ZFR: variants seen among roughly 807,000 people sequenced by gnomAD.
ZFR encodes the protein zinc finger RNA-binding protein.
In ZFR, 19 loss-of-function variants were observed where a neutral mutation model predicts 130.7. The ratio of observed to expected loss-of-function variants is 0.15; its 90% confidence interval spans 0.10 to 0.21. The LOEUF is 0.21. ZFR is among the 10% of genes least tolerant of loss of function. The pLI is 1.00. For synonymous variants in ZFR, 466 were observed against 456.9 expected, an observed-to-expected ratio of 1.02 and a Z score of -0.25; for missense variants, 872 against 1,321.5, an observed-to-expected ratio of 0.66 and a Z score of 5.27.
At chr5:32,428,256 A>G (rs762304732) in intron 2 of ZFR, among the ~76,000 whole-genome samples, 8 of 152,176 alleles carry the variant, frequency 5.3e-5, no homozygotes, top group Non-Finnish European at 1.2e-4. Context: ...TCTACTAAAA[A>G]TACAAAAATT....
chr5:32,366,837 T>TA (rs1028417692), intron 17 of ZFR, among the ~76,000 whole-genome samples: 12 of 151,780 alleles, frequency 7.9e-5, no homozygotes, highest in Non-Finnish European at 1.2e-4. Flanking sequence ...ATTAAATGAT[T>TA]AAAAAAATCA....
Position 32,407,662 on chromosome 5 carries a change from GAAC to G in ZFR, c.785-644_785-642del, listed in dbSNP as rs766262595. Among the ~76,000 whole-genome samples, 39 of 152,132 alleles carry G rather than the reference GAAC, an allele frequency of 2.6e-4. No individual in the cohort carries two copies. In the East Asian group the frequency reaches 2.7e-3, roughly 11 times the overall value. On this transcript the variant is annotated intron_variant, in intron 5 of 19. Coordinates refer to ENST00000265069, the MANE Select transcript of ZFR (RefSeq NM_016107.5). ...GAACTGAAGTTCAGATGAAAATATAGAACAACTGTTAAAGATTTAGGAATTAGG... is the reference window on the plus strand; with the variant it reads ...GAACTGAAGTTCAGATGAAAATATAGAACTGTTAAAGATTTAGGAATTAGG...
intron 15 of ZFR, among the ~76,000 whole-genome samples, chr5:32,382,758 C>T (rs1752960466): frequency 6.6e-6 from 1 of 152,064 alleles, no homozygotes; most frequent in Non-Finnish European, 1.5e-5. Context: ...TATAGGCACT[C>T]ACCACCACGC....
At chr5:32,357,787 T>C (rs1346749706) in intron 19 of ZFR, among the ~76,000 whole-genome samples, 2 of 152,226 alleles carry the variant, frequency 1.3e-5, no homozygotes, top group African/African-American at 4.8e-5. Context: ...CTTGTATGTA[T>C]GTATAGCTTA....
At chr5:32,370,992 T>G (rs1752658356) in intron 17 of ZFR, among the ~76,000 whole-genome samples, 1 of 152,220 alleles carries the variant, frequency 6.6e-6, no homozygotes, top group East Asian at 1.9e-4. Flanking sequence ...TCAAATTTAT[T>G]TGATAACAGA....
intron 11 of ZFR, among the ~76,000 whole-genome samples, chr5:32,391,482 T>C (rs1248358189): frequency 2.6e-5 from 4 of 151,874 alleles, no homozygotes; most frequent in Non-Finnish European, 4.4e-5. Context: ...GGGCAGCTAG[T>C]GTACAGCCTC....
In ZFR at chr5:32,403,999, C is replaced by G; in HGVS notation, c.1131G>C (p.Gly377=). 1 of 1,614,118 alleles carries G rather than the reference C, an allele frequency of 6.2e-7. No individual in the cohort carries two copies. The highest frequency in any genetic ancestry group is 8.5e-7 in the Non-Finnish European group (1 of 1,179,984). The change falls in exon 7 of 20, where the codon GGG becomes GGC. Residue 377 remains glycine, a synonymous_variant. Transcript: ENST00000265069. ...NTSSSNSSTR[G]TQNQLRCELC... is the part of the protein sequence containing the mutation. ...GCTCACAACGTAGCTGATTTTGAGTCCCACGAGTAGAACTGTTGCTGCTGC... is the reference window on the plus strand; with the variant it reads ...GCTCACAACGTAGCTGATTTTGAGTGCCACGAGTAGAACTGTTGCTGCTGC...
In ZFR at chr5:32,418,074, C is replaced by T. The variant is rs140952534; in HGVS notation, c.421-282G>A. On this transcript the variant is annotated intron_variant, in intron 3 of 19. Coordinates refer to ENST00000265069, the MANE Select transcript of ZFR (RefSeq NM_016107.5). Reference sequence around the variant, plus strand: ...AGCAGATAAAGACCATCCTGGCTAACACGGTGAGACCCCGTCTCTACTAAA... The same window carrying T: ...AGCAGATAAAGACCATCCTGGCTAATACGGTGAGACCCCGTCTCTACTAAA... Among the ~76,000 whole-genome samples, 18 of 152,210 alleles carry T rather than the reference C, an allele frequency of 1.2e-4. No homozygotes were observed. In the East Asian group the frequency reaches 2.3e-3, roughly 20 times the overall value.
rs912160197 is a variant in ZFR at position 32,355,482 on chromosome 5, G to C, written c.*278C>G. 6.1e-5 allele frequency: 14 copies of C among 228,052 alleles called. No homozygotes were observed. Among genetic ancestry groups the C allele is most frequent in the Admixed American group, 1.1e-4 (2 of 17,638 alleles). 14.1% of individuals were successfully genotyped at this position (228,052 alleles called of 1,614,324 possible). A position where few individuals can be genotyped will look rare whatever the true frequency, so the allele number is the denominator to read the frequency against. On this transcript the variant is annotated 3_prime_UTR_variant, in exon 20 of 20. Transcript: ENST00000265069. ...TAGTTAATAAAAGACACAAAAATAG[G>C]GGGGGAAGCTAGGGCAACCAGAAAA... is the stretch of plus-strand genomic sequence containing the variant.
intron 2 of ZFR, among the ~76,000 whole-genome samples, chr5:32,437,255 A>C (rs771328851): frequency 6.6e-6 from 1 of 152,086 alleles, no homozygotes; most frequent in Non-Finnish European, 1.5e-5. Flanking sequence ...TTATTTGTAG[A>C]CTCATCTGTC....
At chr5:32,434,795 A>G (rs958313911) in intron 2 of ZFR, among the ~76,000 whole-genome samples, 1 of 145,720 alleles carries the variant, frequency 6.9e-6, no homozygotes, top group African/African-American at 2.4e-5. Context: ...TCTAAGAAAT[A>G]AAAGTCATGG....
At chr5:32,415,511 TGTGTGCGCGCGC>T (rs931369847) in intron 4 of ZFR, among the ~76,000 whole-genome samples, 13 of 93,484 alleles carry the variant, frequency 1.4e-4, no homozygotes, top group Non-Finnish European at 2.1e-4. Flanking sequence ...TGTGTGTGTG[TGTGTGCGCGCGC>T]GCGCGCGCGC....
intron 17 of ZFR, among the ~76,000 whole-genome samples, chr5:32,374,034 A>G (rs1752738920): frequency 6.6e-6 from 1 of 152,120 alleles, no homozygotes. Context: ...AGTGCTGAAA[A>G]TCCAGACTGC....
chr5:32,439,963 CTCTA>C (rs1489938194), intron 2 of ZFR, among the ~76,000 whole-genome samples: 2 of 152,074 alleles, frequency 1.3e-5, no homozygotes, highest in African/African-American at 2.4e-5. Context: ...ATCAGAACTT[CTCTA>C]TCTTTGACAA....
chr5:32,365,637 C>T (rs1274115347), intron 17 of ZFR, among the ~76,000 whole-genome samples: 1 of 150,754 alleles, frequency 6.6e-6, no homozygotes, highest in Non-Finnish European at 1.5e-5. Context: ...TGGCTCACTG[C>T]AGCCTCAAGC....
At chr5:32,363,015 A>G (rs919425851) in intron 19 of ZFR, among the ~76,000 whole-genome samples, 2 of 152,238 alleles carry the variant, frequency 1.3e-5, no homozygotes, top group African/African-American at 4.8e-5. Flanking sequence ...GCGAATGCAT[A>G]AGAATTTGGT....
In ZFR at chr5:32,444,469, T is replaced by A; in HGVS notation, c.38-141A>T. The A allele has an allele frequency of 2.4e-6, 3 of 1,266,296 alleles. No homozygotes were observed. In the East Asian group the frequency reaches 9.4e-5, roughly 39 times the overall value. 78.4% of individuals were successfully genotyped at this position (1,266,296 alleles called of 1,614,324 possible). A position where few individuals can be genotyped will look rare whatever the true frequency, so the allele number is the denominator to read the frequency against. ...GGGCCCAGGCCGCGGCCGCGCCGCC[T>A]CCCCCTCCCGCCTCGCACTCCCTCA... is the stretch of plus-strand genomic sequence containing the variant. On this transcript the variant is annotated intron_variant, in intron 1 of 19. Transcript: ENST00000265069.
intron 9 of ZFR, among the ~76,000 whole-genome samples, chr5:32,399,657 T>C (rs1476994281): frequency 1.3e-5 from 2 of 152,218 alleles, no homozygotes; most frequent in Non-Finnish European, 2.9e-5. Flanking sequence ...AAAATAAATA[T>C]ATTGGTTCTC....
chr5:32,363,005 G>A (rs1463037969), intron 19 of ZFR, among the ~76,000 whole-genome samples: 1 of 152,130 alleles, frequency 6.6e-6, no homozygotes, highest in African/African-American at 2.4e-5. Flanking sequence ...AATAAAAACA[G>A]CGAATGCATA....
Sources: allele counts gnomAD v4.1 joint callset (sites outside exome capture counted in the v4.1 genomes callset), GRCh38; gene constraint gnomAD v4.1.1; transcripts MANE v1.5; gene names NCBI Gene and HGNC (gene_info 2026-07-23, HGNC 2026-07-21).